DLG2: variants seen among roughly 807,000 people sequenced by gnomAD.
DLG2 encodes discs large MAGUK scaffold protein 2, also known as disks large homolog 2.
A neutral mutation model predicts 132.5 loss-of-function variants in DLG2; 45 were observed. The ratio of observed to expected loss-of-function variants is 0.34; its 90% CI spans 0.27 to 0.44. DLG2 has a LOEUF of 0.44. DLG2 is among the 20% of genes least tolerant of loss of function. The pLI, the probability that DLG2 is intolerant of heterozygous loss-of-function variation, is 1.00. For synonymous variants in DLG2, 424 were observed against 419.6 expected (o/e 1.01, Z -0.13); for missense variants, 1,045 against 1,196.9 (o/e 0.87, Z 1.87).
At chr11:85,314,708 T>A (rs959761915) in intron 3 of DLG2, among the ~76,000 whole-genome samples, 3 of 151,950 alleles carry the variant, frequency 2.0e-5, no homozygotes, top group African/African-American at 4.8e-5. Context: ...TAATGCATAA[T>A]TGCATTGGCT....
rs539022726 is a variant in DLG2, at chr11:84,216,173, C to G, written c.573+35065G>C. Among the ~76,000 whole-genome samples, 2 of 152,140 alleles carry G rather than the reference C, an allele frequency of 1.3e-5. 1 individual carries two copies. Among genetic ancestry groups the G allele is most frequent in the South Asian group, 4.2e-4 (2 of 4,818 alleles). ...TGAAGTAATTTCCTTCTCATGCTTT[C>G]TTTGTGGGCCCCTATCTATTCAAGC... On this transcript the variant is annotated intron_variant, in intron 8 of 27. Coordinates refer to ENST00000376104, the MANE Select transcript of DLG2 (RefSeq NM_001142699.3).
intron 18 of DLG2, among the ~76,000 whole-genome samples, chr11:83,675,921 C>T (rs1261831132): frequency 1.3e-5 from 2 of 152,172 alleles, no homozygotes; most frequent in African/African-American, 4.8e-5. Flanking sequence ...GGCCTTCATT[C>T]CATTATGTTA....
At chr11:84,679,397 G>T (rs1464361727) in intron 6 of DLG2, among the ~76,000 whole-genome samples, 1 of 152,052 alleles carries the variant, frequency 6.6e-6, no homozygotes, top group Non-Finnish European at 1.5e-5. Context: ...TGTTTGGACA[G>T]TTGCTTTTTC....
At chr11:83,991,468 A>C (rs1036979743) in intron 11 of DLG2, among the ~76,000 whole-genome samples, 1 of 152,204 alleles carries the variant, frequency 6.6e-6, no homozygotes, top group Non-Finnish European at 1.5e-5. Context: ...AAAGGAAGAA[A>C]CATTATTTCT....
At chr11:84,186,044 T>C (rs944134481) in intron 8 of DLG2, among the ~76,000 whole-genome samples, 1 of 152,174 alleles carries the variant, frequency 6.6e-6, no homozygotes, top group African/African-American at 2.4e-5. Flanking sequence ...TAAACTTATG[T>C]AGTTACCTTC....
At chr11:84,180,553 T>C (rs1215238790) in intron 8 of DLG2, among the ~76,000 whole-genome samples, 1 of 151,790 alleles carries the variant, frequency 6.6e-6, no homozygotes, top group Non-Finnish European at 1.5e-5. Context: ...GCAGAATAAA[T>C]GACAAAGCAA....
At chr11:83,714,714 T>TA (rs1197564339) in intron 18 of DLG2, among the ~76,000 whole-genome samples, 12 of 152,218 alleles carry the variant, frequency 7.9e-5, no homozygotes, top group Admixed American at 1.3e-4. Context: ...TCACTACTGA[T>TA]AACTATAATT....
intron 6 of DLG2, among the ~76,000 whole-genome samples, chr11:84,809,077 A>G (rs1470598745): frequency 2.0e-5 from 3 of 152,008 alleles, no homozygotes; most frequent in Non-Finnish European, 4.4e-5. Context: ...AATATATAAA[A>G]TAGTGGATAC....
intron 7 of DLG2, among the ~76,000 whole-genome samples, chr11:84,473,860 C>T (rs117934069): frequency 6.6e-6 from 1 of 151,920 alleles, no homozygotes; most frequent in South Asian, 2.1e-4. Flanking sequence ...AATATTTATG[C>T]CTTAAAAGCA....
chr11:84,723,089 C>T (rs1000786718), intron 6 of DLG2, among the ~76,000 whole-genome samples: 4 of 152,112 alleles, frequency 2.6e-5, no homozygotes, highest in Non-Finnish European at 2.9e-5. Context: ...TCTATAATTA[C>T]GGCTGGTTTT....
intron 15 of DLG2, among the ~76,000 whole-genome samples, chr11:83,898,948 T>A (rs2072608037): frequency 1.3e-5 from 2 of 152,202 alleles, no homozygotes; most frequent in South Asian, 4.1e-4. Context: ...CTACCAAGTA[T>A]CATAAATATA....
chr11:84,796,866 G>A (rs977332160), intron 6 of DLG2, among the ~76,000 whole-genome samples: 3 of 132,140 alleles, frequency 2.3e-5, no homozygotes, highest in African/African-American at 9.2e-5. Flanking sequence ...TTTATTTAGA[G>A]ACAGAGTTTA....
chr11:84,771,424 G>C (rs902274024), intron 6 of DLG2, among the ~76,000 whole-genome samples: 1 of 152,070 alleles, frequency 6.6e-6, no homozygotes, highest in Non-Finnish European at 1.5e-5. Context: ...CTTTTGAAAA[G>C]CGTCTGTTCA....
chr11:84,656,279 A>G (rs927798055), intron 6 of DLG2, among the ~76,000 whole-genome samples: 1 of 152,190 alleles, frequency 6.6e-6, no homozygotes, highest in Non-Finnish European at 1.5e-5. Context: ...ATTCAGAAAT[A>G]TATCCAACAT....
At chr11:85,395,290 A>G (rs2087210496) in intron 3 of DLG2, among the ~76,000 whole-genome samples, 5 of 152,344 alleles carry the variant, frequency 3.3e-5, no homozygotes, top group Admixed American at 3.3e-4. Flanking sequence ...AGTTGCTTCC[A>G]GGGTGGCTGA....
At chr11:83,708,873 A>G (rs1395922644) in intron 18 of DLG2, among the ~76,000 whole-genome samples, 1 of 152,170 alleles carries the variant, frequency 6.6e-6, no homozygotes, top group Non-Finnish European at 1.5e-5. Flanking sequence ...TGAGAGAAAG[A>G]CTTGGATTGC....
chr11:83,516,420 C>G (rs1038046713), intron 21 of DLG2, among the ~76,000 whole-genome samples: 1 of 152,166 alleles, frequency 6.6e-6, no homozygotes, highest in African/African-American at 2.4e-5. Context: ...ATGTGTGTCT[C>G]TGCACATAAG....
At chr11:84,594,103 G>C (rs1339695245) in intron 6 of DLG2, among the ~76,000 whole-genome samples, 1 of 152,072 alleles carries the variant, frequency 6.6e-6, no homozygotes, top group African/African-American at 2.4e-5. Context: ...GTTGAGAGAA[G>C]ACTTTATATC....
chr11:85,420,678 A>G (rs554179413), intron 3 of DLG2, among the ~76,000 whole-genome samples: 2 of 152,228 alleles, frequency 1.3e-5, no homozygotes, highest in Non-Finnish European at 2.9e-5. Flanking sequence ...GGCTTTGCCA[A>G]GCTGTGGTGG....
Sources: gnomAD v4.1 joint callset for allele counts (sites outside exome capture counted in the v4.1 genomes callset) on GRCh38, gnomAD v4.1.1 for gene constraint, MANE v1.5 for transcripts, NCBI Gene and HGNC (gene_info 2026-07-23, HGNC 2026-07-21) for gene names.